NRG4: variants seen among roughly 807,000 people sequenced by gnomAD.
NRG4 encodes the protein pro-neuregulin-4, membrane-bound isoform.
NRG4 carries 10 observed loss-of-function variants against 15.0 expected under a neutral mutation model. That is an observed-to-expected ratio of 0.67 (90% CI 0.41 to 1.13). The LOEUF (loss-of-function observed/expected upper bound fraction) is 1.13, where lower values mean the gene tolerates loss of function less well. Ranked by LOEUF, NRG4 falls within the 50% of genes most tolerant of loss-of-function variation. NRG4 has a pLI of 0.00. For missense variants in NRG4, 139 were observed against 140.2 expected (o/e 0.99, Z 0.04); for synonymous variants, 41 against 50.1 (o/e 0.82, Z 0.77).
At chr15:75,995,047 G>C (rs1403113642) in intron 3 of NRG4, among the ~76,000 whole-genome samples, 2 of 151,974 alleles carry the variant, frequency 1.3e-5, no homozygotes, top group African/African-American at 4.8e-5. Flanking sequence ...AAATTAGAGG[G>C]CATGGTGGCA....
At chr15:75,955,826 G>T in intron 5 of NRG4, 106 bp downstream of exon 5, 1 of 545,768 alleles carries the variant, frequency 1.8e-6, no homozygotes. Flanking sequence ...GAAAAGTTTA[G>T]GCTCAACCTT....
At chr15:76,050,459 T>TG (rs2035972400) in intron 4 of NRG4, among the ~76,000 whole-genome samples, 1 of 140,420 alleles carries the variant, frequency 7.1e-6, no homozygotes, top group Non-Finnish European at 1.5e-5. Flanking sequence ...TTTTTTTTTT[T>TG]GAAACGGAGT....
chr15:75,985,387 G>C (rs904451456), intron 3 of NRG4, among the ~76,000 whole-genome samples: 1 of 152,164 alleles, frequency 6.6e-6, no homozygotes, highest in Admixed American at 6.5e-5. Flanking sequence ...AATTCCTCTA[G>C]TAATGAATTG....
chr15:76,029,691 A>G (rs2035419693), intron 5 of NRG4, among the ~76,000 whole-genome samples: 1 of 152,206 alleles, frequency 6.6e-6, no homozygotes, highest in Non-Finnish European at 1.5e-5. Context: ...CTACAAAAAC[A>G]TAAAATACCT....
At chr15:75,980,848 A>C (rs1442224550) in intron 3 of NRG4, among the ~76,000 whole-genome samples, 2 of 152,218 alleles carry the variant, frequency 1.3e-5, no homozygotes, top group Non-Finnish European at 2.9e-5. Flanking sequence ...AAAAATAAAA[A>C]ATGGTAAAGG....
intron 5 of NRG4, among the ~76,000 whole-genome samples, chr15:76,028,594 T>TAA (rs2035378310): frequency 6.7e-6 from 1 of 149,146 alleles, no homozygotes; most frequent in African/African-American, 2.5e-5. Flanking sequence ...CTCAAACTGT[T>TAA]TAAAAAAAAA....
rs1350357679 is a variant in NRG4, at chr15:76,045,118, T to C, written c.-105+6949A>G. Reference sequence around the variant, plus strand: ...GGAAAAAAACCTGATAATCTGGTATTAAAATGGACAGAAGATCTGAACGGA... The same window carrying C: ...GGAAAAAAACCTGATAATCTGGTATCAAAATGGACAGAAGATCTGAACGGA... On this transcript the variant is annotated intron_variant, in intron 4 of 8. Coordinates refer to the NRG4 transcript ENST00000563910. Among the ~76,000 whole-genome samples the C allele has an allele frequency of 1.3e-5, 2 of 150,834 alleles. 1 individual carries two copies. Among genetic ancestry groups the C allele is most frequent in the African/African-American group, 5.0e-5 (2 of 40,402 alleles).
At chr15:76,051,765 G>A (rs2036026452) in intron 4 of NRG4, among the ~76,000 whole-genome samples, 1 of 149,482 alleles carries the variant, frequency 6.7e-6, no homozygotes, top group Non-Finnish European at 1.5e-5. Context: ...TAGAGACGGG[G>A]TTTCACCATG....
At chr15:75,982,291 G>A (rs1219109046) in intron 3 of NRG4, among the ~76,000 whole-genome samples, 1 of 152,098 alleles carries the variant, frequency 6.6e-6, no homozygotes, top group Admixed American at 6.6e-5. Flanking sequence ...AGAATAGTAA[G>A]TGGGCCATAC....
chr15:76,010,269 T>C (rs1413472235), intron 2 of NRG4, among the ~76,000 whole-genome samples: 3 of 152,140 alleles, frequency 2.0e-5, no homozygotes, highest in Non-Finnish European at 2.9e-5. Flanking sequence ...AACTTGTACA[T>C]TGTTAGTTCC....
chr15:76,041,995 T>C (rs1413270924), intron 4 of NRG4, among the ~76,000 whole-genome samples: 1 of 151,996 alleles, frequency 6.6e-6, no homozygotes, highest in Non-Finnish European at 1.5e-5. Flanking sequence ...CTGACCACAA[T>C]GGAATAAAAC....
chr15:75,987,238 G>A (rs2033829880), intron 3 of NRG4, among the ~76,000 whole-genome samples: 1 of 152,200 alleles, frequency 6.6e-6, no homozygotes, highest in African/African-American at 2.4e-5. Flanking sequence ...AGGTAACAGA[G>A]TAAAAGGCTG....
Position 75,954,137 on chromosome 15 carries a change from T to G in NRG4, c.331+1795A>C, listed in dbSNP as rs571441292. On this transcript the variant is annotated intron_variant, in intron 5 of 5. Transcript: ENST00000394907. The stretch of plus-strand genomic sequence containing the variant: ...CAGTTGTCGCACAGTTCACTGATGC[T>G]CTTTTCATTAAAAAAATTTTCTTTC... Among the ~76,000 whole-genome samples, 15 of 152,316 alleles carry G rather than the reference T, an allele frequency of 9.8e-5. No individual in the cohort carries two copies. The East Asian group carries it at 2.9e-3, about 29-fold the overall frequency.
intron 5 of NRG4, among the ~76,000 whole-genome samples, chr15:76,022,687 G>A (rs1235247599): frequency 1.3e-5 from 2 of 152,178 alleles, no homozygotes; most frequent in African/African-American, 4.8e-5. Context: ...GTGGGGAAAA[G>A]AATGGCAAGA....
At position 75,952,373 on chromosome 15, in the gene NRG4, T is replaced by C. The variant is rs140268569; in HGVS notation, c.331+3559A>G. On this transcript the variant is annotated intron_variant, in intron 5 of 5. Coordinates refer to ENST00000394907, the MANE Select transcript of NRG4 (RefSeq NM_138573.4). ...GACTGGGTCCTTTACTTCAGCATGT[T>C]GTTTTCAAAGTCCATCCATGTTGCA... 3.9e-4 allele frequency among the ~76,000 whole-genome samples: 60 copies of C among 152,292 alleles called. No individual in the cohort carries two copies. The East Asian group carries it at 5.2e-3, about 13-fold the overall frequency.
rs367690538 is a variant in NRG4, at chr15:76,002,777, C to T, written c.104+6423G>A. Among the ~76,000 whole-genome samples, 10 of 152,046 alleles carry T rather than the reference C, an allele frequency of 6.6e-5. 1 individual carries two copies. The East Asian group carries it at 9.6e-4, about 15-fold the overall frequency. ...TAAAAGGGTCAATTAAACAAGAGCA[C>T]ATCAGAAGTCTAAACTTATGTACAT... On this transcript the variant is annotated intron_variant, in intron 3 of 5. Coordinates refer to ENST00000394907, the MANE Select transcript of NRG4 (RefSeq NM_138573.4).
At chr15:75,995,307 G>GAAGTGTACAATCATGA (rs1334446772) in intron 3 of NRG4, among the ~76,000 whole-genome samples, 1 of 152,178 alleles carries the variant, frequency 6.6e-6, no homozygotes, top group Non-Finnish European at 1.5e-5. Flanking sequence ...GAGCACTCAG[G>GAAGTGTACAATCATGA]AAGTGTACAA....
chr15:76,017,250 G>A (rs1222785650), upstream of NRG4, among the ~76,000 whole-genome samples: 1 of 147,752 alleles, frequency 6.8e-6, no homozygotes, highest in African/African-American at 2.5e-5. Flanking sequence ...TATAAGATGG[G>A]TCTCCTAAAC....
intron 3 of NRG4, among the ~76,000 whole-genome samples, chr15:75,975,925 T>C (rs1021856200): frequency 2.6e-5 from 4 of 152,244 alleles, no homozygotes; most frequent in African/African-American, 4.8e-5. Flanking sequence ...GAAATTCTCC[T>C]GGATAATATC....
Sources: allele counts gnomAD v4.1 joint callset (sites outside exome capture counted in the v4.1 genomes callset), GRCh38; gene constraint gnomAD v4.1.1; transcripts MANE v1.5; gene names NCBI Gene and HGNC (gene_info 2026-07-23, HGNC 2026-07-21).